RBFOX1: variants seen among roughly 807,000 people sequenced by gnomAD.
RBFOX1 encodes the protein RNA binding protein fox-1 homolog 1.
Under a neutral mutation model 57.7 loss-of-function variants are expected in RBFOX1, and 8 were observed. The observed-to-expected ratio is 0.14, with a 90% CI of 0.08 to 0.25. The LOEUF is 0.25. RBFOX1 is among the 10% of genes least tolerant of loss of function. The pLI, the probability that RBFOX1 is intolerant of heterozygous loss-of-function variation, is 1.00. For missense variants in RBFOX1, 611 were observed against 548.5 expected (o/e 1.11, Z -1.14); for synonymous variants, 326 against 222.4 (o/e 1.47, Z -4.15).
intron 9 of RBFOX1, among the ~76,000 whole-genome samples, chr16:7,604,380 C>A (rs994347241): frequency 2.0e-5 from 3 of 152,194 alleles, no homozygotes; most frequent in African/African-American, 7.2e-5. Context: ...TTTCATTTTG[C>A]AGCACACAGA....
rs189912149 is a variant in RBFOX1, at chr16:7,164,164, G to A, written c.27+112066G>A. 1.0e-3 allele frequency among the ~76,000 whole-genome samples: 159 copies of A among 152,024 alleles called. No homozygotes were observed. The East Asian group carries it at 0.02, about 19-fold the overall frequency. The stretch of plus-strand genomic sequence containing the variant: ...CCAGAATCCACTGTATCATTCTTAC[G>A]TCTTTGCGTCCTCATAGCTTAGCCC... On this transcript the variant is annotated intron_variant, in intron 4 of 15. Coordinates refer to ENST00000550418, the MANE Select transcript of RBFOX1 (RefSeq NM_018723.4).
chr16:7,454,148 G>T (rs369904937), intron 4 of RBFOX1, among the ~76,000 whole-genome samples: 1 of 152,186 alleles, frequency 6.6e-6, no homozygotes, highest in Non-Finnish European at 1.5e-5. Context: ...CAGGAGAATC[G>T]CTTGAACTCA....
intron 2 of RBFOX1, among the ~76,000 whole-genome samples, chr16:6,464,187 A>G (rs577705698): frequency 7.1e-4 from 108 of 152,294 alleles, no homozygotes; most frequent in African/African-American, 2.3e-3. Flanking sequence ...ATGAGATGCG[A>G]TCTTTACAAC....
chr16:5,366,205 C>T (rs2065710171), intron 1 of RBFOX1: 1 of 414,878 alleles, frequency 2.4e-6, no homozygotes, highest in South Asian at 2.0e-5. Flanking sequence ...TTAAGTATAT[C>T]TGGGAAGCAG....
intron 2 of RBFOX1, among the ~76,000 whole-genome samples, chr16:6,399,495 C>T (rs139668836): frequency 1.2e-3 from 181 of 152,254 alleles, no homozygotes; most frequent in African/African-American, 4.2e-3. Context: ...CAAGAAGTTC[C>T]TCATCTCCAT....
chr16:5,672,022 A>G (rs1375473228), intron 3 of RBFOX1, among the ~76,000 whole-genome samples: 1 of 152,132 alleles, frequency 6.6e-6, no homozygotes, highest in Non-Finnish European at 1.5e-5. Flanking sequence ...ATGGGTGGAG[A>G]GATTTGCATC....
chr16:5,911,812 C>A (rs1012045171), intron 4 of RBFOX1, among the ~76,000 whole-genome samples: 9 of 152,120 alleles, frequency 5.9e-5, no homozygotes, highest in Non-Finnish European at 1.2e-4. Context: ...CTCTCTAGGA[C>A]TTCTTTTATA....
At chr16:6,582,833 T>C (rs1350478630) in intron 2 of RBFOX1, among the ~76,000 whole-genome samples, 3 of 122,678 alleles carry the variant, frequency 2.4e-5, no homozygotes, top group African/African-American at 8.0e-5. Flanking sequence ...CTTTTTGAAA[T>C]GTTGGAGTTC....
intron 3 of RBFOX1, among the ~76,000 whole-genome samples, chr16:6,792,905 C>A (rs2083245524): frequency 6.6e-6 from 1 of 151,932 alleles, no homozygotes; most frequent in Non-Finnish European, 1.5e-5. Flanking sequence ...TGGCGGGCAC[C>A]TGTAATCCAA....
intron 3 of RBFOX1, among the ~76,000 whole-genome samples, chr16:5,660,948 G>A (rs1010965557): frequency 6.6e-6 from 1 of 152,160 alleles, no homozygotes; most frequent in Non-Finnish European, 1.5e-5. Context: ...GATGTTAGAG[G>A]TCCCAGAATG....
chr16:7,495,648 T>G (rs8049526), intron 4 of RBFOX1, among the ~76,000 whole-genome samples: 54,464 of 152,124 alleles, frequency 0.36, 10,784 homozygotes, highest in East Asian at 0.86. Flanking sequence ...GTGACCTTTG[T>G]CCATTTTTTT....
intron 3 of RBFOX1, among the ~76,000 whole-genome samples, chr16:7,020,732 C>A (rs914920646): frequency 6.6e-6 from 1 of 152,074 alleles, no homozygotes; most frequent in African/African-American, 2.4e-5. Flanking sequence ...AAATGTCCTT[C>A]CCTCTGAGAA....
rs2096254725 is a variant in RBFOX1, at chr16:6,097,147, T to G, written c.-127+77155T>G. ...AAATCGCTTTCACTTCGTTCTTATA[T>G]TCTTTCCTGTCTGCTGCCTTGTAAG... is the stretch of plus-strand genomic sequence containing the variant. On this transcript the variant is annotated intron_variant, in intron 1 of 15. Coordinates refer to ENST00000550418, the MANE Select transcript of RBFOX1 (RefSeq NM_018723.4). The surrounding 1 kb of genome is among the most constrained non-coding windows in gnomAD (Gnocchi z 5.0). Among the ~76,000 whole-genome samples, 4 of 152,190 alleles carry G rather than the reference T, an allele frequency of 2.6e-5. No individual in the cohort carries two copies. The highest frequency in any genetic ancestry group is 2.6e-4 in the Admixed American group (4 of 15,272).
At chr16:7,006,204 G>T (rs146175265) in intron 3 of RBFOX1, among the ~76,000 whole-genome samples, 1 of 151,988 alleles carries the variant, frequency 6.6e-6, no homozygotes, top group Non-Finnish European at 1.5e-5. Context: ...TGCCAGGCTG[G>T]AGTGCAGTGG....
At chr16:6,892,525 C>A (rs576211803) in intron 3 of RBFOX1, among the ~76,000 whole-genome samples, 2 of 152,194 alleles carry the variant, frequency 1.3e-5, no homozygotes, top group African/African-American at 4.8e-5. Flanking sequence ...CAAAAATTAG[C>A]TGCGCATGGT....
intron 1 of RBFOX1, among the ~76,000 whole-genome samples, chr16:6,204,727 T>C (rs1325311617): frequency 6.6e-6 from 1 of 151,990 alleles, no homozygotes; most frequent in Non-Finnish European, 1.5e-5. Flanking sequence ...TGTGAAGGGG[T>C]TGATTTCTTT....
chr16:6,058,908 C>T (rs898465076), intron 1 of RBFOX1, among the ~76,000 whole-genome samples: 2 of 152,148 alleles, frequency 1.3e-5, no homozygotes, highest in Admixed American at 1.3e-4. Context: ...GTAATTAAAA[C>T]AGCACCATTT....
chr16:7,133,709 C>G (rs1046094749), intron 4 of RBFOX1, among the ~76,000 whole-genome samples: 2 of 152,038 alleles, frequency 1.3e-5, no homozygotes, highest in Non-Finnish European at 2.9e-5. Context: ...TGGTATTTTT[C>G]TGAGTTCTGC....
At chr16:5,839,051 A>C (rs966318854) in intron 3 of RBFOX1, among the ~76,000 whole-genome samples, 2 of 152,150 alleles carry the variant, frequency 1.3e-5, no homozygotes, top group Non-Finnish European at 2.9e-5. Context: ...AGGGATATTG[A>C]TAAACCACCT....
Sources: gnomAD v4.1 joint callset for allele counts (sites outside exome capture counted in the v4.1 genomes callset) on GRCh38, gnomAD v4.1.1 for gene constraint, Gnocchi (gnomAD v3.1) non-coding constraint, MANE v1.5 for transcripts, NCBI Gene and HGNC (gene_info 2026-07-23, HGNC 2026-07-21) for gene names.